Variants in FHIP2A observed in about 807,000 individuals in gnomAD.
FHIP2A encodes the protein family with sequence similarity 160 member B1.
Under a neutral mutation model 93.5 loss-of-function variants are expected in FHIP2A, and 46 were observed. The observed-to-expected ratio is 0.49, with a 90% CI of 0.39 to 0.63. The LOEUF is 0.63. FHIP2A is among the 20% of genes least tolerant of loss of function. The pLI is 0.00. For missense variants in FHIP2A, 769 were observed against 909.7 expected, an observed-to-expected ratio of 0.85 and a Z score of 1.99; for synonymous variants, 332 against 326.5, an observed-to-expected ratio of 1.02 and a Z score of -0.18.
intron 16 of FHIP2A, among the ~76,000 whole-genome samples, chr10:114,890,840 TAAA>T: frequency 6.6e-6 from 1 of 150,422 alleles, no homozygotes; most frequent in Non-Finnish European, 1.5e-5. Flanking sequence ...TTAATAATAT[TAAA>T]TAATTATTGT....
intron 2 of FHIP2A, among the ~76,000 whole-genome samples, chr10:114,831,400 T>C (rs1196781078): frequency 1.3e-5 from 2 of 152,022 alleles, no homozygotes; most frequent in Non-Finnish European, 2.9e-5. Context: ...CTGCTAGATA[T>C]CTGGGGGAAG....
chr10:114,830,963 T>G, intron 2 of FHIP2A, 33 bp downstream of exon 2: 3 of 1,346,356 alleles, frequency 2.2e-6, no homozygotes, highest in Non-Finnish European at 3.1e-6. Context: ...ACTGAAAATT[T>G]GTGAAAGTTA....
At chr10:114,877,949 G>T (rs559390413) in intron 16 of FHIP2A, among the ~76,000 whole-genome samples, 20 of 152,106 alleles carry the variant, frequency 1.3e-4, no homozygotes, top group Non-Finnish European at 1.8e-4. Context: ...ATTTTTTAAA[G>T]GGAAGAGAGA....
Position 114,896,074 on chromosome 10 carries a change from A to C in FHIP2A, c.2193-3416A>C, listed in dbSNP as rs556091220. 9.2e-5 allele frequency among the ~76,000 whole-genome samples: 14 copies of C among 152,260 alleles called. No homozygotes were observed. The South Asian group carries it at 2.1e-3, about 23-fold the overall frequency. ...AACCAGCAGAAAAAGGTGTTACTCC[A>C]TGGGCTAGAATGATTGATCCTAGTT... On this transcript the variant is annotated intron_variant, in intron 16 of 16. Coordinates refer to the FHIP2A transcript ENST00000369250.
intron 5 of FHIP2A, among the ~76,000 whole-genome samples, chr10:114,839,432 T>C (rs755888168): frequency 6.6e-6 from 1 of 152,116 alleles, no homozygotes; most frequent in Non-Finnish European, 1.5e-5. Flanking sequence ...CAGCCAGAAA[T>C]GCAGTTTTAT....
rs1359863576 is a variant in FHIP2A at position 114,870,481 on chromosome 10, G to C, written c.2192+9147G>C. On this transcript the variant is annotated intron_variant, in intron 16 of 16. Transcript: ENST00000369250. ...TAAGAGGCTACTCCACTTACACAAA[G>C]GCAGGCTCTACTCTCTTGACAGGAC... Among the ~76,000 whole-genome samples the C allele has an allele frequency of 2.0e-5, 3 of 151,998 alleles. No individual in the cohort carries two copies. The East Asian group carries it at 5.8e-4, about 29-fold the overall frequency.
rs539687344 is a variant in FHIP2A at position 114,892,913 on chromosome 10, A to C, written c.2193-6577A>C. ...TCATTTGTGTTTCTTTTGTAGCTCT[A>C]TAGAGGAACAACAACAAAAATGGAA... On this transcript the variant is annotated intron_variant, in intron 16 of 16. Coordinates refer to the FHIP2A transcript ENST00000369250. Among the ~76,000 whole-genome samples, 104 of 152,298 alleles carry C rather than the reference A, an allele frequency of 6.8e-4. 3 individuals carry two copies. The South Asian group carries it at 0.021, about 31-fold the overall frequency.
chr10:114,824,480 G>A (rs923279025), intron 1 of FHIP2A, among the ~76,000 whole-genome samples: 2 of 152,208 alleles, frequency 1.3e-5, no homozygotes, highest in Admixed American at 6.5e-5. Context: ...ATTTAGAAGT[G>A]TAATGTTTTC....
Position 114,861,584 on chromosome 10 carries a change from A to C in FHIP2A, c.*44A>C, listed in dbSNP as rs200910740. The C allele has an allele frequency of 1.3e-6, 2 of 1,598,032 alleles. No individual in the cohort carries two copies. Among genetic ancestry groups the C allele is most frequent in the South Asian group, 1.1e-5 (1 of 88,384 alleles). ...CTGGGGGAACAGAACTACTGTGTAC[A>C]TTTCACCAAAAAAGACTCAGTTCCA... On this transcript the variant is annotated 3_prime_UTR_variant, in exon 17 of 17. Transcript: ENST00000369248.
chr10:114,890,485 A>G lies in FHIP2A; in HGVS notation c.2193-9005A>G, dbSNP rs572355997. ...TTTGCATATATTATATATACAATAT[A>G]TACTATATATGACATATATAGTATA... On this transcript the variant is annotated intron_variant, in intron 16 of 16. Coordinates refer to the FHIP2A transcript ENST00000369250. 4.7e-5 allele frequency among the ~76,000 whole-genome samples: 7 copies of G among 148,302 alleles called. No homozygotes were observed. In the East Asian group the frequency reaches 1.4e-3, roughly 29 times the overall value.
rs183319180 is a variant in FHIP2A, at chr10:114,886,576, G to T, written c.2193-12914G>T. ...TTGGGTTTTTTTGAGACAGAGTCTC[G>T]CTTTGTCACCCAGGCTGGAGTGCAG... is the stretch of plus-strand genomic sequence containing the variant. On this transcript the variant is annotated intron_variant, in intron 16 of 16. Transcript: ENST00000369250. 5.8e-3 allele frequency among the ~76,000 whole-genome samples: 887 copies of T among 152,072 alleles called. 5 individuals are homozygous for T. The highest frequency in any genetic ancestry group is 7.2e-3 in the Non-Finnish European group (488 of 67,970).
rs879449626 is a variant in FHIP2A, at chr10:114,875,867, AAG to A, written c.2192+14537_2192+14538del. 4.5e-4 allele frequency among the ~76,000 whole-genome samples: 64 copies of A among 140,814 alleles called. 4 individuals carry two copies. Among genetic ancestry groups the A allele is most frequent in the South Asian group, 2.0e-3 (9 of 4,556 alleles). The allele number at this position is 140,814 out of a possible 152,430, so 92.4% of individuals were successfully genotyped here. A position where few individuals can be genotyped will look rare whatever the true frequency, so the allele number is the denominator to read the frequency against. On this transcript the variant is annotated intron_variant, in intron 16 of 16. Transcript: ENST00000369250. ...AGAAAGAAAGAAAAAGAAAGAAAGA[AAG>A]AGAAAGAAAGAAAAGAAAGAGAGAG...
At chr10:114,844,784 G>A (rs1362065521) in intron 7 of FHIP2A, among the ~76,000 whole-genome samples, 1 of 151,800 alleles carries the variant, frequency 6.6e-6, no homozygotes, top group Non-Finnish European at 1.5e-5. Context: ...CTGTTTTTTT[G>A]TTTGTTTGTT....
chr10:114,872,588 T>A (rs142795670), intron 16 of FHIP2A, among the ~76,000 whole-genome samples: 183 of 152,310 alleles, frequency 1.2e-3, no homozygotes, highest in Non-Finnish European at 2.2e-3. Flanking sequence ...GTCATCCTAC[T>A]CCAATGCTTT....
chr10:114,860,509 C>A (rs11196956), intron 14 of FHIP2A, among the ~76,000 whole-genome samples: 19,693 of 152,000 alleles, frequency 0.13, 1,438 homozygotes, highest in East Asian at 0.22. Context: ...TGTGCCACCA[C>A]ACCGGGCTAA....
chr10:114,844,707 G>A (rs1424941563), intron 7 of FHIP2A, among the ~76,000 whole-genome samples: 3 of 152,100 alleles, frequency 2.0e-5, no homozygotes, highest in South Asian at 2.1e-4. Context: ...TTTCGTTGAT[G>A]TTACTTGGTA....
intron 1 of FHIP2A, among the ~76,000 whole-genome samples, chr10:114,829,026 T>C (rs2083593128): frequency 6.6e-6 from 1 of 152,152 alleles, no homozygotes; most frequent in Non-Finnish European, 1.5e-5. Flanking sequence ...AGGTGGATGC[T>C]CAGGACACCA....
chr10:114,840,695 G>A (rs1371940939), intron 5 of FHIP2A, among the ~76,000 whole-genome samples: 1 of 152,170 alleles, frequency 6.6e-6, no homozygotes, highest in Admixed American at 6.5e-5. Context: ...GCAGAAGCTG[G>A]GAAAGGATGA....
chr10:114,833,384 T>C lies in FHIP2A; in HGVS notation c.276T>C (p.Tyr92=). 6.2e-7 allele frequency: 1 copy of C among 1,613,924 alleles called. No individual in the cohort carries two copies. Among genetic ancestry groups the C allele is most frequent in the Non-Finnish European group, 8.5e-7 (1 of 1,179,882 alleles). ...LLHHKILETL[Y]TLGKADCPPG... is the part of the protein sequence containing the mutation. Reference sequence around the variant, plus strand: ...ATCACAAGATCTTGGAAACATTATATACCTTGGGGAAAGCTGATGTAAGTT... The same window carrying C: ...ATCACAAGATCTTGGAAACATTATACACCTTGGGGAAAGCTGATGTAAGTT... The change falls in exon 3 of 17, where the codon TAT becomes TAC. Residue 92 remains tyrosine, a synonymous_variant. Transcript: ENST00000369248.
Sources: gnomAD v4.1 joint callset for allele counts (sites outside exome capture counted in the v4.1 genomes callset) on GRCh38, gnomAD v4.1.1 for gene constraint, MANE v1.5 for transcripts, NCBI Gene and HGNC (gene_info 2026-07-23, HGNC 2026-07-21) for gene names.